The following PPARGC1A variants were observed in gnomAD, a reference collection of about 807,000 sequenced individuals.
PPARGC1A encodes the protein peroxisome proliferator-activated receptor gamma coactivator 1-alpha.
A neutral mutation model predicts 88.7 loss-of-function variants in PPARGC1A; 25 were observed. That is an observed-to-expected ratio of 0.28 (90% CI 0.21 to 0.39). PPARGC1A has a LOEUF of 0.39. PPARGC1A is among the 10% of genes least tolerant of loss of function. The probability of loss-of-function intolerance (pLI) is 1.00; values close to 1 mark genes in which losing one functional copy is unlikely to be tolerated. For missense variants in PPARGC1A, 880 were observed against 968.7 expected, an observed-to-expected ratio of 0.91 and a Z score of 1.22; for synonymous variants, 363 against 355.6, an observed-to-expected ratio of 1.02 and a Z score of -0.24.
chr4:23,851,543 A>G (rs541155623), intron 2 of PPARGC1A, among the ~76,000 whole-genome samples: 7 of 152,340 alleles, frequency 4.6e-5, no homozygotes, highest in African/African-American at 1.7e-4. Context: ...AAATGATGTT[A>G]TCAGTTGTCC....
At chr4:24,256,523 A>G in the PPARGC1A span, among the ~76,000 whole-genome samples, 1 of 152,184 alleles carries the variant, frequency 6.6e-6, no homozygotes, top group Non-Finnish European at 1.5e-5. Flanking sequence ...ACTCAGCTTA[A>G]AATAAACAGC....
At chr4:24,024,723 G>A in the PPARGC1A span, among the ~76,000 whole-genome samples, 1 of 152,188 alleles carries the variant, frequency 6.6e-6, no homozygotes, top group Non-Finnish European at 1.5e-5. Flanking sequence ...CTGTCCCATT[G>A]GCTAAGTGTA....
At chr4:24,215,995 T>C in the PPARGC1A span, among the ~76,000 whole-genome samples, 3 of 152,260 alleles carry the variant, frequency 2.0e-5, no homozygotes, top group African/African-American at 7.2e-5. Context: ...CTTTTTTTCA[T>C]CTGCTGTTTA....
the PPARGC1A span, among the ~76,000 whole-genome samples, chr4:24,214,569 C>A: frequency 6.6e-6 from 1 of 152,194 alleles, no homozygotes; most frequent in South Asian, 2.1e-4. Flanking sequence ...TGGACTCCAA[C>A]TGACAGCTCC....
At chr4:23,827,274 G>A (rs1356218274) in intron 5 of PPARGC1A, among the ~76,000 whole-genome samples, 1 of 152,130 alleles carries the variant, frequency 6.6e-6, no homozygotes, top group African/African-American at 2.4e-5. Flanking sequence ...TAATACTGAG[G>A]TAGTGAAGAG....
the PPARGC1A span, among the ~76,000 whole-genome samples, chr4:24,143,904 C>T: frequency 6.6e-6 from 1 of 152,212 alleles, no homozygotes; most frequent in Non-Finnish European, 1.5e-5. Context: ...CAGTCTTACT[C>T]CAAGTTTGCT....
chr4:24,296,128 A>G, the PPARGC1A span, among the ~76,000 whole-genome samples: 1 of 150,844 alleles, frequency 6.6e-6, no homozygotes, highest in Non-Finnish European at 1.5e-5. Flanking sequence ...ATATATACAC[A>G]TGTATATAGA....
chr4:24,219,839 G>T, the PPARGC1A span, among the ~76,000 whole-genome samples: 1 of 152,136 alleles, frequency 6.6e-6, no homozygotes, highest in Non-Finnish European at 1.5e-5. Context: ...CCGTCCTGTT[G>T]AGAAGCCCCA....
the PPARGC1A span, among the ~76,000 whole-genome samples, chr4:24,235,185 G>C: frequency 6.6e-6 from 1 of 152,168 alleles, no homozygotes; most frequent in African/African-American, 2.4e-5. Context: ...TAAATCCTAG[G>C]GGGGTGGTGA....
chr4:23,899,088 C>A (rs898608712), intron 1 of PPARGC1A, among the ~76,000 whole-genome samples: 6 of 152,026 alleles, frequency 3.9e-5, no homozygotes, highest in Non-Finnish European at 7.4e-5. Flanking sequence ...GATCCACCCC[C>A]CCCCGGCCTT....
At chr4:24,470,277 G>C in the PPARGC1A span, among the ~76,000 whole-genome samples, 1,062 of 110,666 alleles carry the variant, frequency 9.6e-3, 17 homozygotes, top group South Asian at 0.026. This position sits in a 1 kb window ranked among gnomAD's most constrained non-coding sequence, Gnocchi z 5.8. Flanking sequence ...GACAGACACA[G>C]ACACACACAC....
chr4:24,326,440 T>C, the PPARGC1A span, among the ~76,000 whole-genome samples: 68 of 152,292 alleles, frequency 4.5e-4, 1 homozygote, highest in African/African-American at 1.5e-3. Context: ...CCACAATCCA[T>C]TATTCTGTTC....
the PPARGC1A span, among the ~76,000 whole-genome samples, chr4:24,092,784 A>G: frequency 6.6e-6 from 1 of 152,214 alleles, no homozygotes; most frequent in African/African-American, 2.4e-5. Context: ...AACTTCTACT[A>G]AAGTGTCTAA....
At chr4:23,873,818 AG>A (rs1444256503) in intron 2 of PPARGC1A, among the ~76,000 whole-genome samples, 1 of 152,162 alleles carries the variant, frequency 6.6e-6, no homozygotes, top group East Asian at 1.9e-4. Context: ...GAAGTTTTAA[AG>A]GGGAAAAAAA....
At chr4:24,078,613 G>GTA in the PPARGC1A span, among the ~76,000 whole-genome samples, 1 of 151,994 alleles carries the variant, frequency 6.6e-6, no homozygotes, top group Non-Finnish European at 1.5e-5. Context: ...ACTCTGACCC[G>GTA]TATCTCACCT....
the PPARGC1A span, among the ~76,000 whole-genome samples, chr4:24,056,710 T>C: frequency 4.6e-5 from 7 of 152,188 alleles, no homozygotes; most frequent in Non-Finnish European, 1.0e-4. Context: ...TAATACTGTC[T>C]ACTGCATAGT....
At chr4:23,863,878 C>G (rs1731687625) in intron 2 of PPARGC1A, among the ~76,000 whole-genome samples, 2 of 152,146 alleles carry the variant, frequency 1.3e-5, no homozygotes, top group South Asian at 4.2e-4. Flanking sequence ...TTCCCAGTAG[C>G]TGGGATTATG....
At chr4:24,361,860 G>A in the PPARGC1A span, among the ~76,000 whole-genome samples, 15 of 152,300 alleles carry the variant, frequency 9.8e-5, no homozygotes, top group South Asian at 6.2e-4. Context: ...CGGCCTCAGA[G>A]GCTCCAGGCA....
chr4:24,287,796 T>A, the PPARGC1A span, among the ~76,000 whole-genome samples: 1 of 152,104 alleles, frequency 6.6e-6, no homozygotes, highest in African/African-American at 2.4e-5. Flanking sequence ...CTTTAGGCTT[T>A]AGGAATTCTT....
Sources: allele counts gnomAD v4.1 joint callset (sites outside exome capture counted in the v4.1 genomes callset), GRCh38; gene constraint gnomAD v4.1.1; non-coding constraint Gnocchi (gnomAD v3.1); transcripts MANE v1.5; gene names NCBI Gene and HGNC (gene_info 2026-07-23, HGNC 2026-07-21).